Variants in GALNT1 observed in about 807,000 individuals in gnomAD.
GALNT1 encodes GalNAc transferase 1.
A neutral mutation model predicts 65.7 loss-of-function variants in GALNT1; 17 were observed. The ratio of observed to expected loss-of-function variants is 0.26; its 90% CI spans 0.18 to 0.39. GALNT1 has a LOEUF of 0.39. GALNT1 is among the 10% of genes least tolerant of loss of function. GALNT1 has a pLI of 1.00. For missense variants in GALNT1, 460 were observed against 672.8 expected (o/e 0.68, Z 3.50); for synonymous variants, 210 against 219.7 (o/e 0.96, Z 0.39).
chr18:35,691,441 A>AT (rs1028172565), intron 8 of GALNT1, among the ~76,000 whole-genome samples: 5 of 152,096 alleles, frequency 3.3e-5, no homozygotes, highest in Admixed American at 6.5e-5. Flanking sequence ...CAGATGTTCT[A>AT]TTTTTTTTAA....
intron 1 of GALNT1, among the ~76,000 whole-genome samples, chr18:35,593,771 C>T (rs541514863): frequency 1.1e-4 from 16 of 152,022 alleles, no homozygotes; most frequent in East Asian, 5.8e-4. Context: ...TACAGTGGCG[C>T]GATCTGGGCT....
chr18:35,610,625 C>G (rs559105765), intron 1 of GALNT1, among the ~76,000 whole-genome samples: 8 of 151,924 alleles, frequency 5.3e-5, no homozygotes, highest in Non-Finnish European at 8.8e-5. Context: ...TTCTCTAAAC[C>G]CTTTTACACT....
intron 5 of GALNT1, among the ~76,000 whole-genome samples, 192 bp from the exon 6 acceptor site, chr18:35,686,824 C>G (rs2047875086): frequency 6.6e-6 from 1 of 152,230 alleles, no homozygotes; most frequent in African/African-American, 2.4e-5. Context: ...GTGGGAAGAT[C>G]ACTTGAGGAG....
At chr18:35,693,831 A>C (rs993615706) in intron 9 of GALNT1, among the ~76,000 whole-genome samples, 5 of 152,170 alleles carry the variant, frequency 3.3e-5, no homozygotes, top group African/African-American at 1.2e-4. Context: ...ACAAAACTGT[A>C]TGAGGTCACC....
At chr18:35,610,389 A>C (rs561870359) in intron 1 of GALNT1, among the ~76,000 whole-genome samples, 8 of 152,146 alleles carry the variant, frequency 5.3e-5, no homozygotes, top group Non-Finnish European at 1.2e-4. Flanking sequence ...TTGTTTGTTT[A>C]TGGAGCGTTC....
chr18:35,683,572 T>G lies in GALNT1; in HGVS notation c.663T>G (p.Pro221=). The G allele has an allele frequency of 6.2e-7, 1 of 1,613,638 alleles. No individual in the cohort carries two copies. The highest frequency in any genetic ancestry group is 8.5e-7 in the Non-Finnish European group (1 of 1,179,682). The stretch of plus-strand genomic sequence containing the variant: ...AGTGTACAGTGGGATGGCTGGAGCC[T>G]CTCTTGGCCAGGATCAAACATGACA... ...HCECTVGWLE[P]LLARIKHDRR... The change falls in exon 5 of 12, where the codon CCT becomes CCG. Residue 221 remains proline (P), a synonymous_variant. Transcript: ENST00000269195.
At chr18:35,599,458 A>C (rs1046196995) in intron 1 of GALNT1, among the ~76,000 whole-genome samples, 3 of 147,760 alleles carry the variant, frequency 2.0e-5, no homozygotes, top group African/African-American at 7.6e-5. Flanking sequence ...GTAGCCTTGA[A>C]CTCCGGGGCT....
intron 4 of GALNT1, among the ~76,000 whole-genome samples, chr18:35,680,021 C>T (rs1324071770): frequency 6.6e-6 from 1 of 152,036 alleles, no homozygotes; most frequent in Admixed American, 6.5e-5. Context: ...CAAATTTGAT[C>T]ATTTCGCTTC....
intron 9 of GALNT1, among the ~76,000 whole-genome samples, chr18:35,699,307 A>G (rs931691746): frequency 1.3e-5 from 2 of 152,246 alleles, no homozygotes; most frequent in African/African-American, 4.8e-5. Context: ...ATTCAGGAGT[A>G]TCTACTTCAA....
At chr18:35,634,489 C>T (rs951445185) in intron 1 of GALNT1, among the ~76,000 whole-genome samples, 5 of 152,116 alleles carry the variant, frequency 3.3e-5, no homozygotes, top group African/African-American at 7.2e-5. Context: ...AAAAGGTGCA[C>T]GGGGTGAAGT....
intron 1 of GALNT1, among the ~76,000 whole-genome samples, chr18:35,636,783 GTTTTTT>G (rs58909585): frequency 1.4e-4 from 9 of 64,212 alleles, no homozygotes; most frequent in South Asian, 1.3e-3. Flanking sequence ...ATACTACTTT[GTTTTTT>G]TTTTTTTTTT....
At chr18:35,663,315 A>C (rs2047502799) in intron 2 of GALNT1, among the ~76,000 whole-genome samples, 1 of 150,274 alleles carries the variant, frequency 6.7e-6, no homozygotes, top group Non-Finnish European at 1.5e-5. Context: ...GTTGGACTCT[A>C]GGAGGCCATA....
intron 1 of GALNT1, among the ~76,000 whole-genome samples, chr18:35,608,920 A>G (rs2046683750): frequency 1.3e-5 from 2 of 152,218 alleles, no homozygotes; most frequent in African/African-American, 2.4e-5. Flanking sequence ...GTTCTTTCTT[A>G]CAAGAGTTTT....
At chr18:35,662,700 T>C (rs1404844602) in intron 2 of GALNT1, among the ~76,000 whole-genome samples, 1 of 152,226 alleles carries the variant, frequency 6.6e-6, no homozygotes, top group East Asian at 1.9e-4. Context: ...GCATAAAATA[T>C]ATTTTCATCC....
intron 1 of GALNT1, among the ~76,000 whole-genome samples, chr18:35,617,938 CT>C (rs1390825460): frequency 6.6e-6 from 1 of 151,994 alleles, no homozygotes; most frequent in Non-Finnish European, 1.5e-5. Context: ...TTCTTCTTTT[CT>C]TTTCGATAAC....
chr18:35,688,254 T>C (rs2047899504), intron 6 of GALNT1, among the ~76,000 whole-genome samples: 1 of 152,150 alleles, frequency 6.6e-6, no homozygotes, highest in Non-Finnish European at 1.5e-5. Context: ...TTTCTCATTC[T>C]TTTTTTCTTC....
At chr18:35,581,724 C>T (rs1186888810), upstream of GALNT1, 1 of 142,628 alleles carries the variant, frequency 7.0e-6, no homozygotes, top group African/African-American at 2.5e-5. Flanking sequence ...GCCCGCCCGC[C>T]GGGGGAGCCG....
chr18:35,682,689 C>T (rs1482222755), intron 4 of GALNT1, among the ~76,000 whole-genome samples: 2 of 152,022 alleles, frequency 1.3e-5, no homozygotes, highest in Non-Finnish European at 2.9e-5. Flanking sequence ...GGAGCATAAC[C>T]TCTTATCTGA....
chr18:35,613,212 GA>G (rs1194187637), intron 1 of GALNT1, among the ~76,000 whole-genome samples: 1 of 152,126 alleles, frequency 6.6e-6, no homozygotes, highest in Non-Finnish European at 1.5e-5. Flanking sequence ...GATACGTACT[GA>G]GTGCCTAGAA....
Sources: gnomAD v4.1 joint callset for allele counts (sites outside exome capture counted in the v4.1 genomes callset) on GRCh38, gnomAD v4.1.1 for gene constraint, MANE v1.5 for transcripts, NCBI Gene and HGNC (gene_info 2026-07-23, HGNC 2026-07-21) for gene names.